The following AKAP6 variants were observed in gnomAD, a reference collection of about 807,000 sequenced individuals.
AKAP6 encodes A-kinase anchoring protein 6.
AKAP6 carries 58 observed loss-of-function variants against 188.5 expected under a neutral mutation model. The ratio of observed to expected loss-of-function variants is 0.31; its 90% CI spans 0.25 to 0.38. The LOEUF is 0.38. AKAP6 is among the 10% of genes least tolerant of loss of function. The pLI is 1.00. For synonymous variants in AKAP6, 989 were observed against 998.6 expected, an observed-to-expected ratio of 0.99 and a Z score of 0.18; for missense variants, 2,710 against 2,740.0, an observed-to-expected ratio of 0.99 and a Z score of 0.24.
At chr14:32,482,891 T>A (rs1296002889) in intron 2 of AKAP6, among the ~76,000 whole-genome samples, 1 of 152,076 alleles carries the variant, frequency 6.6e-6, no homozygotes, top group African/African-American at 2.4e-5. Context: ...TGAATAACTT[T>A]GTGATTTCTT....
chr14:32,520,963 C>A (rs1196947181), intron 2 of AKAP6, among the ~76,000 whole-genome samples: 1 of 152,178 alleles, frequency 6.6e-6, no homozygotes, highest in Non-Finnish European at 1.5e-5. Flanking sequence ...CAAACCGAAT[C>A]CAGCAGCACA....
intron 5 of AKAP6, among the ~76,000 whole-genome samples, chr14:32,597,241 C>T (rs1446195282): frequency 6.6e-6 from 1 of 152,166 alleles, no homozygotes; most frequent in Non-Finnish European, 1.5e-5. Context: ...GAGACATAGA[C>T]ATCATGCACC....
At chr14:32,361,861 G>T (rs965133501) in intron 1 of AKAP6, among the ~76,000 whole-genome samples, 2 of 151,954 alleles carry the variant, frequency 1.3e-5, no homozygotes, top group Non-Finnish European at 2.9e-5. Flanking sequence ...CCCTCCTGTT[G>T]TGCAGGCTTA....
At chr14:32,349,311 A>G (rs1887181269) in intron 1 of AKAP6, among the ~76,000 whole-genome samples, 1 of 146,810 alleles carries the variant, frequency 6.8e-6, no homozygotes, top group South Asian at 2.2e-4. Context: ...CATTTCATTT[A>G]AACTTAAAAA....
intron 7 of AKAP6, among the ~76,000 whole-genome samples, chr14:32,644,147 T>A (rs1158385215): frequency 6.6e-6 from 1 of 152,178 alleles, no homozygotes; most frequent in African/African-American, 2.4e-5. Flanking sequence ...TGGTCTGATT[T>A]TGTTTGGTGA....
chr14:32,663,407 G>T (rs1888787232), intron 7 of AKAP6, among the ~76,000 whole-genome samples: 1 of 152,062 alleles, frequency 6.6e-6, no homozygotes, highest in Non-Finnish European at 1.5e-5. Context: ...ATCTGTGGGT[G>T]ATGTCAAAAG....
intron 1 of AKAP6, among the ~76,000 whole-genome samples, chr14:32,370,668 A>G (rs1237739548): frequency 6.6e-6 from 1 of 152,248 alleles, no homozygotes; most frequent in Non-Finnish European, 1.5e-5. Context: ...ATCTTTTACT[A>G]CACTGTAAAC....
At chr14:32,594,240 A>G (rs909642085) in intron 5 of AKAP6, among the ~76,000 whole-genome samples, 4 of 152,216 alleles carry the variant, frequency 2.6e-5, no homozygotes, top group African/African-American at 9.7e-5. Context: ...AGATCAGACC[A>G]TGGTAACTCC....
chr14:32,832,667 C>T lies in AKAP6; in HGVS notation c.*2862C>T, dbSNP rs527362422. Reference sequence around the variant, plus strand: ...GTGGCTCATTGTCTGTTAAGGCAAACTGTTCCACTGTTGGGCATATCTCTT... The same window carrying T: ...GTGGCTCATTGTCTGTTAAGGCAAATTGTTCCACTGTTGGGCATATCTCTT... On this transcript the variant is annotated 3_prime_UTR_variant, in exon 14 of 14. Transcript: ENST00000280979. 3 of 152,406 alleles carry T rather than the reference C, an allele frequency of 2.0e-5. No individual in the cohort carries two copies. Among genetic ancestry groups the T allele is most frequent in the South Asian group, 4.1e-4 (2 of 4,830 alleles). 9.4% of individuals were successfully genotyped at this position (152,406 alleles called of 1,614,324 possible).
At chr14:32,665,485 G>A (rs1341726752) in intron 7 of AKAP6, among the ~76,000 whole-genome samples, 1 of 152,120 alleles carries the variant, frequency 6.6e-6, no homozygotes, top group Admixed American at 6.6e-5. Flanking sequence ...GGGGCACAGG[G>A]CTCCCATGCC....
rs1366112753 is a variant in AKAP6 at position 32,823,023 on chromosome 14, T to G, written c.5210T>G (p.Ile1737Ser). Residue 1737 changes from isoleucine to serine, a missense_variant, in exon 13 of 14, where the codon ATT becomes AGT. Coordinates refer to ENST00000280979, the MANE Select transcript of AKAP6 (RefSeq NM_004274.5). ...ADESDVNVSM[I>S]VNVSCTSACT... The stretch of plus-strand genomic sequence containing the variant: ...GAAAGCGATGTCAATGTCAGCATGA[T>G]TGTTAATGTCTCTTGCACCTCTGCT... 1 of 1,613,848 alleles carries G rather than the reference T, an allele frequency of 6.2e-7. No individual in the cohort carries two copies. The highest frequency in any genetic ancestry group is 2.2e-5 in the East Asian group (1 of 44,858).
In AKAP6 at chr14:32,683,958, T is replaced by A. The variant is rs183066020; in HGVS notation, c.2879+5499T>A. ...TTGGTTACTGGGTAGATGGGGTTGT[T>A]GAGGGAGGGGCTATTTGAGAATGGA... On this transcript the variant is annotated intron_variant, in intron 8 of 13. Coordinates refer to ENST00000280979, the MANE Select transcript of AKAP6 (RefSeq NM_004274.5). Among the ~76,000 whole-genome samples, 9 of 152,306 alleles carry A rather than the reference T, an allele frequency of 5.9e-5. No homozygotes were observed. In the East Asian group the frequency reaches 1.7e-3, roughly 29 times the overall value.
intron 1 of AKAP6, chr14:32,385,012 A>G (rs1473335195): frequency 6.6e-6 from 1 of 151,888 alleles, no homozygotes; most frequent in Non-Finnish European, 1.5e-5. Context: ...CATTAGGGAG[A>G]TCTGCAAGGA....
chr14:32,791,279 A>G (rs140818246), intron 12 of AKAP6, among the ~76,000 whole-genome samples: 9,169 of 152,108 alleles, frequency 0.06, 360 homozygotes, highest in South Asian at 0.21. Context: ...TCCAGCATCT[A>G]TTGTTTCCTG....
chr14:32,539,411 G>T (rs796873724), intron 3 of AKAP6, among the ~76,000 whole-genome samples: 22 of 152,150 alleles, frequency 1.4e-4, no homozygotes, highest in African/African-American at 5.1e-4. Flanking sequence ...GGGCCAAATT[G>T]TATCAGGCCA....
intron 7 of AKAP6, among the ~76,000 whole-genome samples, chr14:32,652,200 C>G (rs893151797): frequency 2.0e-5 from 3 of 152,140 alleles, no homozygotes; most frequent in African/African-American, 7.2e-5. Flanking sequence ...CCCATCTTTT[C>G]CGTCATTTTA....
intron 8 of AKAP6, among the ~76,000 whole-genome samples, chr14:32,683,749 G>T (rs1244210254): frequency 6.6e-6 from 1 of 152,184 alleles, no homozygotes; most frequent in East Asian, 1.9e-4. Context: ...ACTAAGTGAT[G>T]CCCAGCATGA....
intron 11 of AKAP6, among the ~76,000 whole-genome samples, chr14:32,742,824 GA>G (rs1194918219): frequency 1.3e-5 from 2 of 151,942 alleles, no homozygotes; most frequent in Admixed American, 6.6e-5. Context: ...ATGTGTTGAG[GA>G]AAAAAATGTG....
intron 2 of AKAP6, among the ~76,000 whole-genome samples, chr14:32,514,489 A>G (rs184843268): frequency 9.8e-5 from 15 of 152,346 alleles, no homozygotes; most frequent in African/African-American, 3.4e-4. Context: ...TGAGTCAGCA[A>G]TGAAATCCCA....
Sources: allele counts gnomAD v4.1 joint callset (sites outside exome capture counted in the v4.1 genomes callset), GRCh38; gene constraint gnomAD v4.1.1; transcripts MANE v1.5; gene names NCBI Gene and HGNC (gene_info 2026-07-23, HGNC 2026-07-21).